The following GRSF1 variants were observed in gnomAD, a reference collection of about 807,000 sequenced individuals.
GRSF1 encodes G-rich RNA sequence binding factor 1, also known as G-rich sequence factor 1.
A neutral mutation model predicts 51.1 loss-of-function variants in GRSF1; 50 were observed. The ratio of observed to expected loss-of-function variants is 0.98; its 90% CI spans 0.78 to 1.24. The LOEUF (loss-of-function observed/expected upper bound fraction) is 1.24, where lower values mean the gene tolerates loss of function less well. Among genes scored for constraint, GRSF1 ranks in the 50% most tolerant of loss-of-function variants. The probability of loss-of-function intolerance (pLI) is 0.00; values close to 1 mark genes in which losing one functional copy is unlikely to be tolerated. For missense variants in GRSF1, 700 were observed against 639.7 expected (o/e 1.09, Z -1.02); for synonymous variants, 293 against 253.3 (o/e 1.16, Z -1.49).
intron 5 of GRSF1, among the ~76,000 whole-genome samples, chr4:70,829,068 T>C (rs997689498): frequency 2.0e-5 from 3 of 151,836 alleles, no homozygotes; most frequent in Admixed American, 6.6e-5. Flanking sequence ...TATTTTTTAT[T>C]TTTGTAGACA....
rs141681273 is a variant in GRSF1 at position 70,830,542 on chromosome 4, G to A, written c.950+997C>T. On this transcript the variant is annotated intron_variant, in intron 5 of 9. Coordinates refer to ENST00000254799, the MANE Select transcript of GRSF1 (RefSeq NM_002092.4). The stretch of plus-strand genomic sequence containing the variant: ...TTATCTGGATTCTGTATTTTTGTCC[G>A]GTGTGCTGGCTCACACCTGTAATCC... 4.0e-3 allele frequency among the ~76,000 whole-genome samples: 610 copies of A among 151,906 alleles called. 7 individuals carry two copies. Among genetic ancestry groups the A allele is most frequent in the African/African-American group, 0.014 (581 of 41,432 alleles).
chr4:70,838,082 A>G (rs1433142867), intron 1 of GRSF1, among the ~76,000 whole-genome samples: 1 of 151,314 alleles, frequency 6.6e-6, no homozygotes, highest in Non-Finnish European at 1.5e-5. Context: ...AGCTGGGCGC[A>G]GTGGCGGGCG....
chr4:70,828,276 A>C (rs1179673638), intron 5 of GRSF1, among the ~76,000 whole-genome samples: 1 of 152,230 alleles, frequency 6.6e-6, no homozygotes, highest in Non-Finnish European at 1.5e-5. Flanking sequence ...CATACATTTT[A>C]ATAATATTTT....
chr4:70,833,146 G>T lies in GRSF1; in HGVS notation c.642C>A (p.Arg214=). The T allele has an allele frequency of 6.2e-7, 1 of 1,613,882 alleles. No individual in the cohort carries two copies. Among genetic ancestry groups the T allele is most frequent in the Non-Finnish European group, 8.5e-7 (1 of 1,179,854 alleles). The part of the protein sequence containing the change: ...QDVQKALEKH[R]MYMGQRYVEV... ...CCACATACCGCTGGCCCATGTACAT[G>T]CGGTGCTTCTCTAAGGCTTTCTGCA... The change falls in exon 3 of 10, where the codon CGC becomes CGA. Residue 214 remains arginine, a synonymous_variant. Coordinates refer to ENST00000254799, the MANE Select transcript of GRSF1 (RefSeq NM_002092.4).
In GRSF1 at chr4:70,827,607, A is replaced by C. The variant is rs572741786; in HGVS notation, c.1135+245T>G. Among the ~76,000 whole-genome samples the C allele has an allele frequency of 3.3e-5, 5 of 151,850 alleles. No individual in the cohort carries two copies. The East Asian group carries it at 5.9e-4, about 18-fold the overall frequency. On this transcript the variant is annotated intron_variant, in intron 6 of 9. Transcript: ENST00000254799. ...AGCCTGGCCAACGTGGCGAAACCCT[A>C]TCTCTACTAAAAATATAAAAATTGG...
upstream of GRSF1, among the ~76,000 whole-genome samples, chr4:70,841,801 A>C (rs1476707021): frequency 8.5e-5 from 13 of 152,272 alleles, no homozygotes; most frequent in Admixed American, 8.5e-4. Flanking sequence ...AACCTGGAGT[A>C]TCAAAGAAAA....
upstream of GRSF1, among the ~76,000 whole-genome samples, chr4:70,843,141 A>G (rs989892730): frequency 1.3e-5 from 2 of 152,222 alleles, no homozygotes; most frequent in Non-Finnish European, 2.9e-5. Flanking sequence ...ACTATGCCCA[A>G]AAGACCAAAC....
At chr4:70,839,347 C>A in intron 1 of GRSF1, 124 bp downstream of exon 1, 1 of 1,504,138 alleles carries the variant, frequency 6.6e-7, no homozygotes, top group South Asian at 1.2e-5. Context: ...GGCGGGTGTG[C>A]GGCGAGTGTC....
chr4:70,822,704 TA>T (rs909488047), intron 9 of GRSF1, among the ~76,000 whole-genome samples: 9 of 152,058 alleles, frequency 5.9e-5, no homozygotes, highest in African/African-American at 2.2e-4. Context: ...TTATAGCTAC[TA>T]AAGGTGGCTA....
At chr4:70,836,872 A>G (rs1009739321) in intron 1 of GRSF1, among the ~76,000 whole-genome samples, 2 of 152,226 alleles carry the variant, frequency 1.3e-5, no homozygotes, top group African/African-American at 4.8e-5. Context: ...AGAAAGAAGC[A>G]GTACGACCAA....
chr4:70,839,948 G>GT (rs1169422680), upstream of GRSF1: 24 of 824,160 alleles, frequency 2.9e-5, no homozygotes, highest in South Asian at 3.9e-4. Flanking sequence ...CGGGCACTGG[G>GT]TGGGGGGCCT....
At chr4:70,838,137 T>C (rs1734293547) in intron 1 of GRSF1, among the ~76,000 whole-genome samples, 1 of 139,504 alleles carries the variant, frequency 7.2e-6, no homozygotes, top group Non-Finnish European at 1.5e-5. Flanking sequence ...GAGAATGGCG[T>C]GAACCCGGAA....
chr4:70,826,536 GAAA>G (rs538242968), intron 6 of GRSF1, among the ~76,000 whole-genome samples: 2 of 135,094 alleles, frequency 1.5e-5, no homozygotes. Flanking sequence ...TATAGGCACT[GAAA>G]AAAAAAAAAA....
Position 70,839,812 on chromosome 4 carries a change from A to T in GRSF1, c.16T>A (p.Trp6Arg). 6.7e-7 allele frequency: 1 copy of T among 1,499,392 alleles called. No homozygotes were observed. Among genetic ancestry groups the T allele is most frequent in the Non-Finnish European group, 8.8e-7 (1 of 1,131,576 alleles). 92.9% of individuals were successfully genotyped at this position (1,499,392 alleles called of 1,614,324 possible). Residue 6 changes from tryptophan (W) to arginine (R), a missense_variant, in exon 1 of 10, where the codon TGG becomes AGG. Transcript: ENST00000254799. MAGTR[W>R]VLGALLRGCG... ...CCCCGGAGCAGCGCCCCGAGTACCC[A>T]GCGCGTGCCGGCCATGGACTCCGGA...
chr4:70,827,948 C>A lies in GRSF1; in HGVS notation c.1039G>T (p.Ala347Ser). 6.2e-7 allele frequency: 1 copy of A among 1,612,014 alleles called. No individual in the cohort carries two copies. Among genetic ancestry groups the A allele is most frequent in the East Asian group, 2.2e-5 (1 of 44,878 alleles). The change falls in exon 6 of 10, where the codon GCT becomes TCT. Residue 347 changes from alanine to serine, a missense_variant. Transcript: ENST00000254799. ...KGKKIASFPTAKYITEPEMVF... is the reference protein window; with the variant it reads ...KGKKIASFPTSKYITEPEMVF... ...ATTTCTGGCTCAGTTATATACTTAG[C>A]AGTAGGAAAAGATGCGATTTTCTTT...
At position 70,826,260 on chromosome 4, in the gene GRSF1, A is replaced by G; in HGVS notation, c.1136-15T>C. 1 of 1,589,914 alleles carries G rather than the reference A, an allele frequency of 6.3e-7. No homozygotes were observed. The highest frequency in any genetic ancestry group is 8.5e-7 in the Non-Finnish European group (1 of 1,171,806). ...CTTAGGCAATTCTGAGAGGTGGAACAGAAAGCACTGTTAAAACATAACAGC... is the reference window on the plus strand; with the variant it reads ...CTTAGGCAATTCTGAGAGGTGGAACGGAAAGCACTGTTAAAACATAACAGC... On this transcript the variant is annotated splice_polypyrimidine_tract_variant and intron_variant, in intron 6 of 9. Coordinates refer to ENST00000254799, the MANE Select transcript of GRSF1 (RefSeq NM_002092.4).
At chr4:70,831,897 A>G (rs1310786384) in intron 4 of GRSF1, among the ~76,000 whole-genome samples, 2 of 131,890 alleles carry the variant, frequency 1.5e-5, no homozygotes, top group African/African-American at 5.7e-5. Flanking sequence ...AAAACATACA[A>G]TTCTCCCCAC....
At chr4:70,840,695 G>A (rs1284623122), upstream of GRSF1, among the ~76,000 whole-genome samples, 3 of 152,094 alleles carry the variant, frequency 2.0e-5, no homozygotes, top group Non-Finnish European at 4.4e-5. Context: ...CCCAGGAGGC[G>A]GAGGTTGCAG....
At chr4:70,831,133 G>A (rs536317803) in intron 5 of GRSF1, among the ~76,000 whole-genome samples, 7 of 152,082 alleles carry the variant, frequency 4.6e-5, no homozygotes, top group Non-Finnish European at 7.4e-5. Flanking sequence ...CGAGGCGGGC[G>A]GATCACAAGG....
Sources: allele counts gnomAD v4.1 joint callset (sites outside exome capture counted in the v4.1 genomes callset), GRCh38; gene constraint gnomAD v4.1.1; transcripts MANE v1.5; gene names NCBI Gene and HGNC (gene_info 2026-07-23, HGNC 2026-07-21).